GPR89A: variants seen among roughly 807,000 people sequenced by gnomAD.
GPR89A encodes golgi pH regulator A.
A neutral mutation model predicts 52.0 loss-of-function variants in GPR89A; 16 were observed. The ratio of observed to expected loss-of-function variants is 0.31; its 90% CI spans 0.21 to 0.47. The LOEUF (loss-of-function observed/expected upper bound fraction) is 0.47. Ranked by LOEUF, GPR89A falls within the 20% of genes least tolerant of loss-of-function variation. The pLI is 1.00. For missense variants in GPR89A, 135 were observed against 449.4 expected, an observed-to-expected ratio of 0.30 and a Z score of 6.33; for synonymous variants, 55 against 150.9, an observed-to-expected ratio of 0.36 and a Z score of 4.66.
intron 2 of GPR89A, 64 bp downstream of exon 2, chr1:145,616,357 C>T (rs1216763919): frequency 3.0e-6 from 4 of 1,335,282 alleles, no homozygotes; most frequent in Non-Finnish European, 4.2e-6. Context: ...AAAATGTCTC[C>T]ATTAAAGAAA....
chr1:145,617,134 C>G (rs1239142295), intron 2 of GPR89A, among the ~76,000 whole-genome samples: 3 of 152,128 alleles, frequency 2.0e-5, no homozygotes, highest in African/African-American at 7.2e-5. Flanking sequence ...AGTCCTATCT[C>G]AACCGCATAA....
chr1:145,622,824 T>A (rs1286675645), intron 3 of GPR89A, among the ~76,000 whole-genome samples: 3 of 151,610 alleles, frequency 2.0e-5, no homozygotes, highest in Non-Finnish European at 4.4e-5. Context: ...TAAACATTCT[T>A]ATTTTAATAT....
At chr1:145,611,279 T>C (rs1228692143) in intron 1 of GPR89A, among the ~76,000 whole-genome samples, 16 of 151,778 alleles carry the variant, frequency 1.1e-4, no homozygotes, top group African/African-American at 3.4e-4. Context: ...GTACAAATGA[T>C]CCGGTCACCC....
chr1:145,642,555 G>A (rs1650723753), intron 7 of GPR89A, among the ~76,000 whole-genome samples: 1 of 152,144 alleles, frequency 6.6e-6, no homozygotes, highest in Non-Finnish European at 1.5e-5. Context: ...ATTCTTTCTT[G>A]TTAATATCAT....
intron 10 of GPR89A, among the ~76,000 whole-genome samples, chr1:145,649,414 G>C (rs1358416554): frequency 1.2e-4 from 18 of 151,534 alleles, no homozygotes; most frequent in Admixed American, 8.5e-4. Flanking sequence ...TCCTTTTTCT[G>C]TCTGGCTTAT....
At chr1:145,608,316 G>A (rs781928417) in intron 1 of GPR89A, 141 bp downstream of exon 1, 5 of 1,286,136 alleles carry the variant, frequency 3.9e-6, no homozygotes, top group Non-Finnish European at 4.4e-6. Context: ...ACCCAGAGAG[G>A]GTGTGCGATT....
At chr1:145,657,991 A>G (rs1352932087) in intron 10 of GPR89A, among the ~76,000 whole-genome samples, 1 of 151,968 alleles carries the variant, frequency 6.6e-6, no homozygotes, top group African/African-American at 2.4e-5. Flanking sequence ...AAGAAATTCC[A>G]TACTCATTAG....
At chr1:145,657,567 T>C (rs1362235592) in intron 10 of GPR89A, among the ~76,000 whole-genome samples, 12 of 152,208 alleles carry the variant, frequency 7.9e-5, no homozygotes, top group Non-Finnish European at 1.2e-4. Context: ...GATGTTGTTA[T>C]TTCTCCCCTA....
chr1:145,620,011 T>C lies in GPR89A; in HGVS notation c.206+1588T>C, dbSNP rs1464447405. On this transcript the variant is annotated intron_variant, in intron 3 of 13. Coordinates refer to ENST00000313835, the MANE Select transcript of GPR89A (RefSeq NM_001097612.2). Reference sequence around the variant, plus strand: ...GCCTGGGCGACAGAGCAAGACTCCATCTCAAAAAAATAAATAAATAAAAAA... The same window carrying C: ...GCCTGGGCGACAGAGCAAGACTCCACCTCAAAAAAATAAATAAATAAAAAA... 5.3e-5 allele frequency among the ~76,000 whole-genome samples: 8 copies of C among 151,972 alleles called. No individual in the cohort carries two copies. In the East Asian group the frequency reaches 1.2e-3, roughly 22 times the overall value.
At chr1:145,658,732 C>T (rs1184861889) in intron 10 of GPR89A, among the ~76,000 whole-genome samples, 1 of 151,146 alleles carries the variant, frequency 6.6e-6, no homozygotes, top group Non-Finnish European at 1.5e-5. Flanking sequence ...ATTGTTTCTA[C>T]TTTTGGGCCA....
At chr1:145,659,213 C>G (rs1553695043) in intron 10 of GPR89A, among the ~76,000 whole-genome samples, 1 of 151,918 alleles carries the variant, frequency 6.6e-6, no homozygotes, top group African/African-American at 2.4e-5. Flanking sequence ...GAGGTGGAGT[C>G]TAGCTCTGTC....
chr1:145,618,050 C>A (rs1648847183), intron 2 of GPR89A, among the ~76,000 whole-genome samples: 1 of 148,042 alleles, frequency 6.8e-6, no homozygotes, highest in South Asian at 2.3e-4. Context: ...ATCAGGAATT[C>A]TAAGTGCTAC....
At chr1:145,613,945 C>G (rs1307163264) in intron 1 of GPR89A, among the ~76,000 whole-genome samples, 78 of 152,222 alleles carry the variant, frequency 5.1e-4, no homozygotes, top group Non-Finnish European at 8.4e-4. Flanking sequence ...CACCACCATA[C>G]CTAGCTAATT....
rs1652352520 is a variant in GPR89A at position 145,663,512 on chromosome 1, T to C, written c.1005+88T>C. ...TGTTAAGATTCTAATTTGTATACTT[T>C]AGGTACTTGCTTCTGCTTTTGTTCT... is the stretch of plus-strand genomic sequence containing the variant. On this transcript the variant is annotated intron_variant, in intron 11 of 13. Transcript: ENST00000313835. 4.5e-6 allele frequency: 7 copies of C among 1,556,592 alleles called. No homozygotes were observed. In the Admixed American group the frequency reaches 5.5e-5, roughly 12 times the overall value.
chr1:145,646,601 T>G lies in GPR89A; in HGVS notation c.816+329T>G, dbSNP rs1448921829. The G allele has an allele frequency of 8.4e-6, 3 of 356,636 alleles. No homozygotes were observed. The East Asian group carries it at 1.8e-4, about 21-fold the overall frequency. 22.1% of individuals were successfully genotyped at this position (356,636 alleles called of 1,614,324 possible). Reference sequence around the variant, plus strand: ...TTTATTCCTTTATAAGTTAGTAATATTATAAGAGCAGTAGACACCTATCTG... The same window carrying G: ...TTTATTCCTTTATAAGTTAGTAATAGTATAAGAGCAGTAGACACCTATCTG... On this transcript the variant is annotated intron_variant, in intron 9 of 13. Coordinates refer to ENST00000313835, the MANE Select transcript of GPR89A (RefSeq NM_001097612.2).
At chr1:145,655,989 G>T (rs1651781049) in intron 10 of GPR89A, among the ~76,000 whole-genome samples, 1 of 151,992 alleles carries the variant, frequency 6.6e-6, no homozygotes, top group Non-Finnish European at 1.5e-5. Flanking sequence ...TGGAGTTGCT[G>T]ACATTTCTGC....
At chr1:145,622,069 T>G (rs1459548961) in intron 3 of GPR89A, among the ~76,000 whole-genome samples, 6 of 151,708 alleles carry the variant, frequency 4.0e-5, no homozygotes, top group Admixed American at 6.6e-5. Context: ...ACAATTCCAC[T>G]CCATTTCTAC....
chr1:145,662,965 G>GT (rs1553695867), intron 10 of GPR89A, among the ~76,000 whole-genome samples: 1 of 151,840 alleles, frequency 6.6e-6, no homozygotes, highest in African/African-American at 2.4e-5. Flanking sequence ...AGTATTTGCT[G>GT]TTAAAGCATT....
intron 10 of GPR89A, among the ~76,000 whole-genome samples, chr1:145,649,226 C>G (rs1339653988): frequency 1.3e-5 from 2 of 151,588 alleles, no homozygotes; most frequent in African/African-American, 4.8e-5. Flanking sequence ...TCACCACGGT[C>G]AAGACAGAGA....
Sources: gnomAD v4.1 joint callset for allele counts (sites outside exome capture counted in the v4.1 genomes callset) on GRCh38, gnomAD v4.1.1 for gene constraint, MANE v1.5 for transcripts, NCBI Gene and HGNC (gene_info 2026-07-23, HGNC 2026-07-21) for gene names.